PDCL: variants seen among roughly 807,000 people sequenced by gnomAD.
PDCL encodes the protein phosducin like.
In PDCL, 11 loss-of-function variants were observed where a neutral mutation model predicts 26.7. The observed-to-expected ratio is 0.41, with a 90% CI of 0.26 to 0.68. The LOEUF is 0.68. Ranked by LOEUF, PDCL falls within the 30% of genes least tolerant of loss-of-function variation. The pLI is 0.30. For synonymous variants in PDCL, 118 were observed against 134.9 expected (o/e 0.87, Z 0.87); for missense variants, 330 against 371.6 (o/e 0.89, Z 0.92).
At chr9:122,827,554 G>A (rs1264769430) in intron 1 of PDCL, among the ~76,000 whole-genome samples, 2 of 151,990 alleles carry the variant, frequency 1.3e-5, no homozygotes, top group African/African-American at 4.8e-5. Flanking sequence ...GTCTCTACTA[G>A]TAAAAGCAAA....
At chr9:122,822,829 C>T (rs759586515) in intron 3 of PDCL, among the ~76,000 whole-genome samples, 187 bp downstream of exon 3, 1 of 152,180 alleles carries the variant, frequency 6.6e-6, no homozygotes, top group East Asian at 1.9e-4. Context: ...GAGACTCTCC[C>T]ACAGTCACTA....
chr9:122,820,180 A>T lies in PDCL; in HGVS notation c.811T>A (p.Phe271Ile), dbSNP rs1291338878. The change falls in exon 4 of 4, where the codon TTT (phenylalanine) becomes ATT (isoleucine). Residue 271 changes from phenylalanine (F) to isoleucine (I), a missense_variant. Coordinates refer to ENST00000259467, the MANE Select transcript of PDCL (RefSeq NM_005388.5). Reference protein sequence around the residue: ...AVDLEAFLQEFGLLPEKEVLV... With the variant: ...AVDLEAFLQEIGLLPEKEVLV... The stretch of plus-strand genomic sequence containing the variant: ...ACTTCCTTTTCTGGGAGTAATCCAA[A>T]TTCCTGGAGAAAAGCTTCAAGGTCC... 1 of 1,614,154 alleles carries T rather than the reference A, an allele frequency of 6.2e-7. No individual in the cohort carries two copies.
At chr9:122,823,992 A>G in intron 2 of PDCL, among the ~76,000 whole-genome samples, 1 of 151,484 alleles carries the variant, frequency 6.6e-6, no homozygotes, top group East Asian at 1.9e-4. Flanking sequence ...ATGGTCTCCA[A>G]CTCCTGACCT....
chr9:122,823,831 G>A (rs1829587047), intron 2 of PDCL, among the ~76,000 whole-genome samples: 1 of 150,286 alleles, frequency 6.7e-6, no homozygotes. Context: ...GTGCAATGGC[G>A]CGATCTCGGC....
rs1449305697 is a variant in PDCL, at chr9:122,826,665, A to C, written c.123T>G (p.Ser41=). 1.2e-6 allele frequency: 2 copies of C among 1,614,114 alleles called. No individual in the cohort carries two copies. Among genetic ancestry groups the C allele is most frequent in the Non-Finnish European group, 1.7e-6 (2 of 1,180,048 alleles). ...CTGCCAGCTCAGCCTCTGCAGGCAC[A>C]GAACTGCTGGCTGGGGCACATCTGC... ...DRGRCAPASS[S]VPAEAELAGE... Residue 41 remains serine (S), a synonymous_variant, in exon 2 of 4, where the codon TCT becomes TCG. Coordinates refer to ENST00000259467, the MANE Select transcript of PDCL (RefSeq NM_005388.5).
At chr9:122,824,463 T>C (rs1319043545) in intron 2 of PDCL, among the ~76,000 whole-genome samples, 1 of 152,178 alleles carries the variant, frequency 6.6e-6, no homozygotes, top group Non-Finnish European at 1.5e-5. Context: ...GCCTAGCTCC[T>C]AGATGAAAGA....
At chr9:122,822,518 G>A (rs1056321642) in intron 3 of PDCL, among the ~76,000 whole-genome samples, 2 of 152,090 alleles carry the variant, frequency 1.3e-5, no homozygotes, top group Admixed American at 6.6e-5. Flanking sequence ...GCAACATCAT[G>A]GAAGAAACAG....
chr9:122,820,822 T>TAAA (rs5900544), intron 3 of PDCL, 186 bp from the exon 4 acceptor site: 818 of 305,208 alleles, frequency 2.7e-3, no homozygotes, highest in South Asian at 5.2e-3. Context: ...CATCTCTCCT[T>TAAA]AAAAAAAAAA....
At chr9:122,827,551 C>T (rs1829644065) in intron 1 of PDCL, among the ~76,000 whole-genome samples, 1 of 152,036 alleles carries the variant, frequency 6.6e-6, no homozygotes, top group Non-Finnish European at 1.5e-5. Flanking sequence ...CTTGTCTCTA[C>T]TAGTAAAAGC....
In PDCL at chr9:122,820,524, G is replaced by A. The variant is rs1281994417; in HGVS notation, c.467C>T (p.Pro156Leu). The change falls in exon 4 of 4, where the codon CCC becomes CTC. Residue 156 changes from proline (P) to leucine (L), a missense_variant. Transcript: ENST00000259467. The stretch of plus-strand genomic sequence containing the variant: ...GATCTCAAAAACCTGCTTGAATTGG[G>A]GCCCCTTGTGAAGCTGCTGCCGCAT... ...EEMRQQLHKG[P>L]QFKQVFEISS... 4 of 1,613,816 alleles carry A rather than the reference G, an allele frequency of 2.5e-6. No individual in the cohort carries two copies. Among genetic ancestry groups the A allele is most frequent in the Non-Finnish European group, 3.4e-6 (4 of 1,179,994 alleles).
chr9:122,823,294 T>G (rs1164754686), intron 2 of PDCL, 97 bp from the exon 3 acceptor site: 1 of 1,166,378 alleles, frequency 8.6e-7, no homozygotes, highest in African/African-American at 1.5e-5. Context: ...GCCTGAAGCT[T>G]GCTCCATCTA....
Position 122,819,045 on chromosome 9 carries a change from T to C in PDCL, c.*1040A>G, listed in dbSNP as rs1277148828. On this transcript the variant is annotated 3_prime_UTR_variant, in exon 4 of 4. Coordinates refer to ENST00000259467, the MANE Select transcript of PDCL (RefSeq NM_005388.5). ...TTTAATAATATAAAAAAAGGTCTGA[T>C]ATATTATTAGCTGACCATACTATAG... 6.6e-6 allele frequency: 1 copy of C among 152,082 alleles called. No homozygotes were observed. Among genetic ancestry groups the C allele is most frequent in the African/African-American group, 2.4e-5 (1 of 41,430 alleles). 9.4% of individuals were successfully genotyped at this position (152,082 alleles called of 1,614,324 possible). A position where few individuals can be genotyped will look rare whatever the true frequency, so the allele number is the denominator to read the frequency against.
Position 122,819,916 on chromosome 9 carries a change from C to T in PDCL, c.*169G>A, listed in dbSNP as rs1829530961. 5.3e-6 allele frequency: 3 copies of T among 565,352 alleles called. No homozygotes were observed. Among genetic ancestry groups the T allele is most frequent in the Non-Finnish European group, 9.1e-6 (3 of 330,776 alleles). 35.0% of individuals were successfully genotyped at this position (565,352 alleles called of 1,614,324 possible). On this transcript the variant is annotated 3_prime_UTR_variant, in exon 4 of 4. Transcript: ENST00000259467. ...CAACTGTAAGTCACCTTATTGCTAG[C>T]TACAAGGTTATTCAGCATTCTGATT... is the stretch of plus-strand genomic sequence containing the variant.
intron 1 of PDCL, 53 bp from the exon 2 acceptor site, chr9:122,826,845 G>C: frequency 6.4e-7 from 1 of 1,564,436 alleles, no homozygotes; most frequent in Non-Finnish European, 8.8e-7. Context: ...AGACAGACAT[G>C]AATCTGAAGC....
chr9:122,822,053 G>T (rs917937342), intron 3 of PDCL, among the ~76,000 whole-genome samples: 1 of 152,072 alleles, frequency 6.6e-6, no homozygotes, highest in Non-Finnish European at 1.5e-5. Context: ...CTGACCTATT[G>T]AAGTCTTTGG....
Position 122,820,404 on chromosome 9 carries a change from T to G in PDCL, c.587A>C (p.Glu196Ala). 1 of 1,614,196 alleles carries G rather than the reference T, an allele frequency of 6.2e-7. No individual in the cohort carries two copies. Among genetic ancestry groups the G allele is most frequent in the Non-Finnish European group, 8.5e-7 (1 of 1,180,036 alleles). The change falls in exon 4 of 4, where the codon GAA (glutamate) becomes GCA (alanine). Residue 196 changes from glutamate to alanine, a missense_variant. By Grantham distance (107) the Glu-to-Ala change is moderately radical (BLOSUM62 -1). Transcript: ENST00000259467. ...HIYEDGIPGT[E>A]AMNGCMICLA... ...GCAGATCATGCAACCATTCATGGCT[T>G]CGGTCCCTGGAATGCCATCCTCATA...
intron 1 of PDCL, 103 bp downstream of exon 1, chr9:122,828,368 G>A (rs3802487): frequency 0.21 from 32,167 of 152,356 alleles, 3,818 homozygotes; most frequent in East Asian, 0.49. Flanking sequence ...CTTGGGGGTC[G>A]AGACAGAGCG....
intron 1 of PDCL, among the ~76,000 whole-genome samples, 189 bp downstream of exon 1, chr9:122,828,282 G>A (rs1318512809): frequency 6.6e-6 from 1 of 152,054 alleles, no homozygotes; most frequent in Non-Finnish European, 1.5e-5. Context: ...GGTGTGTGGA[G>A]CTTTTGGGGG....
At chr9:122,827,659 G>C (rs1015239429) in intron 1 of PDCL, among the ~76,000 whole-genome samples, 2 of 152,120 alleles carry the variant, frequency 1.3e-5, no homozygotes, top group African/African-American at 4.8e-5. Context: ...TTGAATCCGG[G>C]AGGCGGAGGT....
Sources: gnomAD v4.1 joint callset for allele counts (sites outside exome capture counted in the v4.1 genomes callset) on GRCh38, gnomAD v4.1.1 for gene constraint, MANE v1.5 for transcripts, NCBI Gene and HGNC (gene_info 2026-07-23, HGNC 2026-07-21) for gene names.